The following RABGAP1L variants were observed in gnomAD, a reference collection of about 807,000 sequenced individuals.
The protein encoded by RABGAP1L is rab GTPase-activating protein 1-like.
In RABGAP1L, 63 loss-of-function variants were observed where a neutral mutation model predicts 137.7. The observed-to-expected ratio is 0.46, with a 90% CI of 0.37 to 0.56. The LOEUF (loss-of-function observed/expected upper bound fraction) is 0.56, where lower values mean the gene tolerates loss of function less well. Among genes scored for constraint, RABGAP1L ranks in the 20% least tolerant of loss-of-function variants. The probability of loss-of-function intolerance (pLI) is 0.00; values close to 1 mark genes in which losing one functional copy is unlikely to be tolerated. For synonymous variants in RABGAP1L, 431 were observed against 433.7 expected (o/e 0.99, Z 0.08); for missense variants, 1,095 against 1,244.0 (o/e 0.88, Z 1.80).
intron 13 of RABGAP1L, among the ~76,000 whole-genome samples, chr1:174,404,488 T>G (rs1406109950): frequency 2.0e-5 from 3 of 152,198 alleles, no homozygotes; most frequent in African/African-American, 7.2e-5. Context: ...TGTAAGTTTA[T>G]TCTTGTTAGA....
intron 13 of RABGAP1L, among the ~76,000 whole-genome samples, chr1:174,454,227 C>T (rs1443648957): frequency 6.6e-6 from 1 of 151,796 alleles, no homozygotes; most frequent in Non-Finnish European, 1.5e-5. Context: ...CGCACCACTG[C>T]ACTCCAGCCT....
chr1:174,892,040 C>T (rs1656233904), intron 19 of RABGAP1L, among the ~76,000 whole-genome samples: 1 of 152,198 alleles, frequency 6.6e-6, no homozygotes, highest in Non-Finnish European at 1.5e-5. Flanking sequence ...ACAAAGTGGG[C>T]CACAGTCCGG....
At chr1:174,187,951 T>A (rs1666931607) in intron 1 of RABGAP1L, among the ~76,000 whole-genome samples, 1 of 152,178 alleles carries the variant, frequency 6.6e-6, no homozygotes, top group African/African-American at 2.4e-5. Context: ...TTCTGATTGT[T>A]ATGTCTTAAG....
chr1:174,416,517 A>G (rs1650608716), intron 13 of RABGAP1L, among the ~76,000 whole-genome samples: 1 of 152,142 alleles, frequency 6.6e-6, no homozygotes, highest in Non-Finnish European at 1.5e-5. Context: ...ATATTGGGTT[A>G]GAATATTTTG....
chr1:174,415,099 A>G (rs765584276), intron 13 of RABGAP1L, among the ~76,000 whole-genome samples: 119 of 152,098 alleles, frequency 7.8e-4, no homozygotes, highest in Non-Finnish European at 1.5e-3. Flanking sequence ...TATTCCATAA[A>G]CTGGCTTGTG....
At chr1:174,703,730 T>G (rs1679841676) in intron 17 of RABGAP1L, among the ~76,000 whole-genome samples, 1 of 152,208 alleles carries the variant, frequency 6.6e-6, no homozygotes, top group Non-Finnish European at 1.5e-5. Context: ...TTTCTCTACA[T>G]CCTCACTAAC....
intron 13 of RABGAP1L, among the ~76,000 whole-genome samples, chr1:174,450,389 G>A (rs969216517): frequency 6.6e-6 from 1 of 152,002 alleles, no homozygotes; most frequent in African/African-American, 2.4e-5. Flanking sequence ...TGTGCCTAAC[G>A]TTTTCTTAGC....
intron 13 of RABGAP1L, among the ~76,000 whole-genome samples, chr1:174,602,125 C>T (rs575185110): frequency 7.2e-4 from 109 of 152,218 alleles, no homozygotes; most frequent in Non-Finnish European, 1.2e-3. Flanking sequence ...TCCATATTTT[C>T]GGGTATCTTT....
chr1:174,279,145 T>G (rs1336399350), intron 10 of RABGAP1L, among the ~76,000 whole-genome samples: 1 of 152,210 alleles, frequency 6.6e-6, no homozygotes, highest in Non-Finnish European at 1.5e-5. Context: ...AAAATGTTTC[T>G]AAGAAATACC....
chr1:174,824,981 G>A (rs1156977203), intron 19 of RABGAP1L, among the ~76,000 whole-genome samples: 1 of 152,180 alleles, frequency 6.6e-6, no homozygotes, highest in African/African-American at 2.4e-5. Context: ...ATTCCTTGCT[G>A]TAGTTAATAG....
intron 9 of RABGAP1L, among the ~76,000 whole-genome samples, chr1:174,277,530 G>C (rs1675105715): frequency 6.6e-6 from 1 of 150,852 alleles, no homozygotes; most frequent in Admixed American, 6.6e-5. Flanking sequence ...CTATATAATA[G>C]TATATTATAA....
At chr1:174,515,278 G>T (rs970389309) in intron 13 of RABGAP1L, among the ~76,000 whole-genome samples, 4 of 152,020 alleles carry the variant, frequency 2.6e-5, no homozygotes, top group Non-Finnish European at 2.9e-5. Flanking sequence ...CACCACTTTT[G>T]GGAAGTAAAA....
chr1:174,831,065 GTTTA>G (rs1183305277), intron 19 of RABGAP1L, among the ~76,000 whole-genome samples: 1 of 147,608 alleles, frequency 6.8e-6, no homozygotes, highest in African/African-American at 2.5e-5. Flanking sequence ...TTTCAATTTT[GTTTA>G]TTTAATTTTA....
intron 18 of RABGAP1L, among the ~76,000 whole-genome samples, chr1:174,778,643 G>A (rs1686720629): frequency 6.6e-6 from 1 of 151,986 alleles, no homozygotes; most frequent in Admixed American, 6.6e-5. Context: ...CACCGAGGCT[G>A]GAGTGTAATG....
chr1:174,667,937 C>T (rs1054641042), intron 14 of RABGAP1L, among the ~76,000 whole-genome samples: 3 of 152,122 alleles, frequency 2.0e-5, no homozygotes, highest in African/African-American at 7.2e-5. Context: ...AGTAAATACT[C>T]AATTGCTGAG....
intron 2 of RABGAP1L, among the ~76,000 whole-genome samples, chr1:174,220,360 C>G (rs934957515): frequency 1.3e-5 from 2 of 151,782 alleles, no homozygotes; most frequent in African/African-American, 4.8e-5. Flanking sequence ...AGGGTGTGTT[C>G]CTAAAAAAGA....
At chr1:174,839,940 T>C (rs761885617) in intron 19 of RABGAP1L, among the ~76,000 whole-genome samples, 2 of 152,168 alleles carry the variant, frequency 1.3e-5, no homozygotes, top group Admixed American at 1.3e-4. Context: ...GAGATAGATA[T>C]AGACAGTGTA....
chr1:174,407,515 T>C (rs1021703368), intron 13 of RABGAP1L, among the ~76,000 whole-genome samples: 5 of 152,182 alleles, frequency 3.3e-5, no homozygotes, highest in African/African-American at 1.2e-4. Flanking sequence ...ACCAATAACA[T>C]AGGCAGTCAG....
intron 14 of RABGAP1L, among the ~76,000 whole-genome samples, chr1:174,660,352 G>T (rs1427677348): frequency 6.6e-6 from 1 of 152,078 alleles, no homozygotes; most frequent in East Asian, 1.9e-4. Flanking sequence ...ACTATTCCAG[G>T]CCCAAGGCAT....
Sources: gnomAD v4.1 joint callset for allele counts (sites outside exome capture counted in the v4.1 genomes callset) on GRCh38, gnomAD v4.1.1 for gene constraint, MANE v1.5 for transcripts, NCBI Gene and HGNC (gene_info 2026-07-23, HGNC 2026-07-21) for gene names.